Variants in CNTNAP5 observed in about 807,000 individuals in gnomAD.
CNTNAP5 encodes the protein contactin associated protein family member 5, also known as contactin-associated protein-like 5.
A neutral mutation model predicts 150.2 loss-of-function variants in CNTNAP5; 72 were observed. The observed-to-expected ratio is 0.48, with a 90% confidence interval of 0.40 to 0.58. CNTNAP5 has a LOEUF of 0.58. Among genes scored for constraint, CNTNAP5 ranks in the 20% least tolerant of loss-of-function variants. The pLI, the probability that CNTNAP5 is intolerant of heterozygous loss-of-function variation, is 0.00. For missense variants in CNTNAP5, 1,636 were observed against 1,626.2 expected (o/e 1.01, Z -0.10); for synonymous variants, 672 against 619.8 (o/e 1.08, Z -1.25).
intron 3 of CNTNAP5, among the ~76,000 whole-genome samples, chr2:124,394,173 A>G (rs974842498): frequency 6.6e-6 from 1 of 151,978 alleles, no homozygotes; most frequent in African/African-American, 2.4e-5. Context: ...GGAGTTCAAG[A>G]CTAGCCTGGC....
chr2:124,533,483 G>T (rs930871958), intron 10 of CNTNAP5, among the ~76,000 whole-genome samples: 1 of 152,160 alleles, frequency 6.6e-6, no homozygotes. Flanking sequence ...TGCTCCTGGA[G>T]GACGTGGAAT....
chr2:124,509,163 C>A (rs993241725), intron 8 of CNTNAP5, among the ~76,000 whole-genome samples: 2 of 152,172 alleles, frequency 1.3e-5, no homozygotes, highest in Non-Finnish European at 2.9e-5. Context: ...GTTCCCCGAG[C>A]TTTGTACAGT....
chr2:124,734,957 A>C (rs1161269733), intron 13 of CNTNAP5, among the ~76,000 whole-genome samples: 3 of 152,138 alleles, frequency 2.0e-5, no homozygotes, highest in Admixed American at 2.0e-4. Context: ...GTGTCACCTG[A>C]TAAGTGTGAA....
At chr2:124,153,366 G>A (rs10496636) in intron 1 of CNTNAP5, among the ~76,000 whole-genome samples, 49,305 of 151,902 alleles carry the variant, frequency 0.32, 8,961 homozygotes, top group Admixed American at 0.4. Context: ...CTAGGCTGCC[G>A]GAGAAGTGAA....
chr2:124,331,784 A>T (rs527256121), intron 3 of CNTNAP5, among the ~76,000 whole-genome samples: 1 of 152,154 alleles, frequency 6.6e-6, no homozygotes. Context: ...CAGAAGACTT[A>T]GAAAAGAGAG....
At chr2:124,774,979 T>C (rs757384480) in intron 17 of CNTNAP5, among the ~76,000 whole-genome samples, 4 of 152,170 alleles carry the variant, frequency 2.6e-5, no homozygotes, top group Non-Finnish European at 4.4e-5. Context: ...CTGGAGGAGA[T>C]ATCTTGCTGG....
chr2:124,793,012 G>A (rs1354847906), intron 18 of CNTNAP5, among the ~76,000 whole-genome samples: 1 of 152,118 alleles, frequency 6.6e-6, no homozygotes, highest in South Asian at 2.1e-4. Context: ...TACAATTTTT[G>A]TGCAAACATA....
At chr2:124,505,695 C>G (rs1333733215) in intron 8 of CNTNAP5, among the ~76,000 whole-genome samples, 1 of 152,102 alleles carries the variant, frequency 6.6e-6, no homozygotes, top group Admixed American at 6.5e-5. Context: ...CAGTGGAAGT[C>G]TCTCTCTCAT....
intron 1 of CNTNAP5, among the ~76,000 whole-genome samples, chr2:124,158,371 G>A (rs1684594651): frequency 6.6e-6 from 1 of 152,176 alleles, no homozygotes; most frequent in South Asian, 2.1e-4. Context: ...AAATGGCATA[G>A]TATTTTCATA....
intron 1 of CNTNAP5, among the ~76,000 whole-genome samples, chr2:124,181,427 G>A (rs962706028): frequency 2.0e-5 from 3 of 151,494 alleles, no homozygotes; most frequent in East Asian, 1.9e-4. Context: ...AATTACCTAT[G>A]TGCAAATAAC....
chr2:124,854,970 A>G (rs1677326485), intron 19 of CNTNAP5, among the ~76,000 whole-genome samples: 1 of 152,166 alleles, frequency 6.6e-6, no homozygotes, highest in African/African-American at 2.4e-5. Context: ...TAAGGGGAAA[A>G]GAGAAACAAA....
chr2:124,274,966 CTACAGT>C (rs1425224739), intron 3 of CNTNAP5, among the ~76,000 whole-genome samples: 11 of 152,236 alleles, frequency 7.2e-5, no homozygotes, highest in Admixed American at 7.2e-4. Context: ...TTTAATGGAC[CTACAGT>C]TCCATATGGC....
At position 124,198,189 on chromosome 2, in the gene CNTNAP5, T is replaced by TA. The variant is rs1685636916; in HGVS notation, c.83-23516_83-23515insA. Reference sequence around the variant, plus strand: ...AAGATTGTGAGCCATTTGAGTTTCTTTTTTTTAAGTTTGTCTTCAGATATT... The same window carrying TA: ...AAGATTGTGAGCCATTTGAGTTTCTTATTTTTTAAGTTTGTCTTCAGATATT... On this transcript the variant is annotated intron_variant, in intron 1 of 23. Coordinates refer to ENST00000682447, the MANE Select transcript of CNTNAP5 (RefSeq NM_001367498.1). Among the ~76,000 whole-genome samples the TA allele has an allele frequency of 1.2e-4, 18 of 151,696 alleles. No homozygotes were observed. The South Asian group carries it at 3.7e-3, about 32-fold the overall frequency.
chr2:124,065,932 T>C (rs1682141295), intron 1 of CNTNAP5, among the ~76,000 whole-genome samples: 1 of 152,212 alleles, frequency 6.6e-6, no homozygotes, highest in Admixed American at 6.5e-5. Flanking sequence ...AAGGACGATG[T>C]ATTCACAGTC....
At chr2:124,273,018 G>A (rs115233246) in intron 3 of CNTNAP5, among the ~76,000 whole-genome samples, 9 of 152,238 alleles carry the variant, frequency 5.9e-5, no homozygotes, top group African/African-American at 1.7e-4. Flanking sequence ...TAGAAGGCAC[G>A]GTGACGGACT....
intron 3 of CNTNAP5, among the ~76,000 whole-genome samples, chr2:124,387,586 A>G (rs1690962481): frequency 6.6e-6 from 1 of 152,184 alleles, no homozygotes; most frequent in African/African-American, 2.4e-5. Context: ...GGGGAGAATT[A>G]CAAAGAACCT....
At chr2:124,461,893 A>G (rs1693265513) in intron 6 of CNTNAP5, among the ~76,000 whole-genome samples, 1 of 149,578 alleles carries the variant, frequency 6.7e-6, no homozygotes, top group African/African-American at 2.4e-5. Context: ...GTCGTTTTTT[A>G]TCATTATATC....
intron 12 of CNTNAP5, among the ~76,000 whole-genome samples, chr2:124,634,483 G>C (rs1191411949): frequency 2.0e-5 from 3 of 152,018 alleles, no homozygotes; most frequent in Admixed American, 6.6e-5. Context: ...TGCACACACA[G>C]GCACACACGT....
chr2:124,396,293 T>C (rs76437773), intron 3 of CNTNAP5, among the ~76,000 whole-genome samples: 4 of 152,302 alleles, frequency 2.6e-5, no homozygotes, highest in Admixed American at 2.0e-4. Context: ...TGAGTGTTCC[T>C]TAACACAGCA....
Sources: gnomAD v4.1 joint callset for allele counts (sites outside exome capture counted in the v4.1 genomes callset) on GRCh38, gnomAD v4.1.1 for gene constraint, MANE v1.5 for transcripts, NCBI Gene and HGNC (gene_info 2026-07-23, HGNC 2026-07-21) for gene names.